Variants in FOCAD observed in about 807,000 individuals in gnomAD.
The protein encoded by FOCAD is KIAA1797.
Under a neutral mutation model 225.6 loss-of-function variants are expected in FOCAD, and 198 were observed. The ratio of observed to expected loss-of-function variants is 0.88; its 90% CI spans 0.78 to 0.99. FOCAD has a LOEUF of 0.99. Among genes scored for constraint, FOCAD ranks in the 50% least tolerant of loss-of-function variants. The pLI, the probability that FOCAD is intolerant of heterozygous loss-of-function variation, is 0.00. For missense variants in FOCAD, 2,713 were observed against 2,123.6 expected, an observed-to-expected ratio of 1.28 and a Z score of -5.46; for synonymous variants, 897 against 755.0, an observed-to-expected ratio of 1.19 and a Z score of -3.08.
chr9:20,907,213 A>G lies in FOCAD; in HGVS notation c.2689A>G (p.Met897Val), dbSNP rs1179371077. 6 of 1,613,214 alleles carry G rather than the reference A, an allele frequency of 3.7e-6. No homozygotes were observed. The East Asian group carries it at 8.9e-5, about 24-fold the overall frequency. The part of the protein sequence containing the change: ...IFLPQAWLAY[M>V]NRAYHAILQG... ...TCTTCCACAGGCCTGGCTTGCATAC[A>G]TGAATCGAGCTTATCATGCCATTTT... is the stretch of plus-strand genomic sequence containing the variant. Residue 897 changes from methionine to valine, a missense_variant, in exon 22 of 44, where the codon ATG becomes GTG. By Grantham distance (21) the Met-to-Val change is conservative. Coordinates refer to ENST00000338382, the MANE Select transcript of FOCAD (RefSeq NM_001375567.1).
chr9:20,916,616 T>C (rs1833886394), intron 23 of FOCAD, among the ~76,000 whole-genome samples: 1 of 152,220 alleles, frequency 6.6e-6, no homozygotes, highest in Admixed American at 6.5e-5. Flanking sequence ...CACCACGCTG[T>C]CTGAGATAAT....
At chr9:20,700,453 G>A (rs948960229) in intron 1 of FOCAD, among the ~76,000 whole-genome samples, 1 of 150,020 alleles carries the variant, frequency 6.7e-6, no homozygotes, top group African/African-American at 2.5e-5. Context: ...AAATTTTACT[G>A]GTGTAGATTC....
intron 24 of FOCAD, among the ~76,000 whole-genome samples, chr9:20,917,972 GA>G (rs1834012279): frequency 6.6e-6 from 1 of 152,176 alleles, no homozygotes; most frequent in South Asian, 2.1e-4. Flanking sequence ...AAGGCACTGG[GA>G]AATATCTGTT....
intron 5 of FOCAD, among the ~76,000 whole-genome samples, chr9:20,750,583 C>T (rs561124160): frequency 6.6e-6 from 1 of 152,228 alleles, no homozygotes; most frequent in South Asian, 2.1e-4. Flanking sequence ...GAAGGGTGAC[C>T]TGACTGCCTG....
At position 20,922,845 on chromosome 9, in the gene FOCAD, T is replaced by C. The variant is rs548911501; in HGVS notation, c.2853-815T>C. Among the ~76,000 whole-genome samples the C allele has an allele frequency of 1.7e-3, 261 of 152,340 alleles. 1 individual carries two copies. The highest frequency in any genetic ancestry group is 5.9e-3 in the African/African-American group (245 of 41,580). ...GCAAACCTAGAGCATCTGATTGGTG[T>C]CCCATAGGGGACTTTATAGGATCAG... On this transcript the variant is annotated intron_variant, in intron 24 of 43. Coordinates refer to ENST00000338382, the MANE Select transcript of FOCAD (RefSeq NM_001375567.1).
Position 20,891,273 on chromosome 9 carries a change from A to G in FOCAD, c.2625+6043A>G, listed in dbSNP as rs1265757776. 3.9e-5 allele frequency among the ~76,000 whole-genome samples: 6 copies of G among 152,206 alleles called. No individual in the cohort carries two copies. In the East Asian group the frequency reaches 9.6e-4, roughly 24 times the overall value. ...AACAATATTGAAATTAGGCCAATTAATAACTACAATGGCCTCTAATTGTTC... is the reference window on the plus strand; with the variant it reads ...AACAATATTGAAATTAGGCCAATTAGTAACTACAATGGCCTCTAATTGTTC... On this transcript the variant is annotated intron_variant, in intron 21 of 43. Transcript: ENST00000338382.
intron 40 of FOCAD, among the ~76,000 whole-genome samples, chr9:20,987,169 T>C (rs1841255856): frequency 6.6e-6 from 1 of 152,180 alleles, no homozygotes; most frequent in African/African-American, 2.4e-5. Context: ...TGCCTGGTTT[T>C]CCCCATCCAT....
chr9:20,861,766 T>C (rs1828792738), intron 15 of FOCAD, among the ~76,000 whole-genome samples: 1 of 152,214 alleles, frequency 6.6e-6, no homozygotes, highest in Non-Finnish European at 1.5e-5. Flanking sequence ...AGATTAATTC[T>C]TATTAAAGAC....
rs193232397 is a variant in FOCAD at position 20,730,536 on chromosome 9, C to T, written c.288-9700C>T. Among the ~76,000 whole-genome samples, 652 of 152,116 alleles carry T rather than the reference C, an allele frequency of 4.3e-3. 6 individuals are homozygous for T. Among genetic ancestry groups the T allele is most frequent in the Admixed American group, 0.028 (421 of 15,276 alleles). On this transcript the variant is annotated intron_variant, in intron 4 of 43. Transcript: ENST00000338382. ...GTCCTCTTCTCCTCTATTTTTAAGGCTGTTTTTGGATCCACTCTTTAGAAG... is the reference window on the plus strand; with the variant it reads ...GTCCTCTTCTCCTCTATTTTTAAGGTTGTTTTTGGATCCACTCTTTAGAAG...
intron 11 of FOCAD, among the ~76,000 whole-genome samples, chr9:20,804,840 T>C (rs1279225276): frequency 6.8e-6 from 1 of 147,374 alleles, no homozygotes; most frequent in African/African-American, 2.5e-5. Flanking sequence ...GCTGCTTGCA[T>C]GTAGGAAAAA....
chr9:20,906,015 C>T (rs1832939868), intron 21 of FOCAD, among the ~76,000 whole-genome samples: 2 of 151,482 alleles, frequency 1.3e-5, no homozygotes, highest in Non-Finnish European at 2.9e-5. Flanking sequence ...TTTTTATTCC[C>T]ATGGATTCTT....
chr9:20,968,735 G>T (rs1205176951), intron 35 of FOCAD, among the ~76,000 whole-genome samples: 1 of 151,698 alleles, frequency 6.6e-6, no homozygotes, highest in Non-Finnish European at 1.5e-5. Context: ...CACCTCGCCC[G>T]GCCTGTTTTC....
intron 8 of FOCAD, among the ~76,000 whole-genome samples, chr9:20,773,172 A>C (rs933024060): frequency 1.3e-5 from 2 of 152,164 alleles, no homozygotes; most frequent in Non-Finnish European, 2.9e-5. Flanking sequence ...CCTTTTTAGT[A>C]TAATTCTCTG....
chr9:20,941,981 A>G (rs1379041423), intron 28 of FOCAD, among the ~76,000 whole-genome samples: 1 of 152,244 alleles, frequency 6.6e-6, no homozygotes, highest in African/African-American at 2.4e-5. Flanking sequence ...ACATTAAAAT[A>G]TAGAAGATTT....
At chr9:20,668,804 C>T (rs1821970622) in intron 2 of FOCAD, among the ~76,000 whole-genome samples, 1 of 152,126 alleles carries the variant, frequency 6.6e-6, no homozygotes, top group African/African-American at 2.4e-5. Flanking sequence ...TAGCAAAGCT[C>T]AAAAGTAACA....
intron 11 of FOCAD, among the ~76,000 whole-genome samples, chr9:20,791,137 C>G (rs1031560127): frequency 2.0e-5 from 3 of 151,878 alleles, no homozygotes; most frequent in Non-Finnish European, 4.4e-5. Context: ...AAGAAGGATT[C>G]CCTTGAAGTT....
chr9:20,991,499 T>C (rs1294594827), intron 42 of FOCAD, among the ~76,000 whole-genome samples: 1 of 152,198 alleles, frequency 6.6e-6, no homozygotes, highest in Non-Finnish European at 1.5e-5. Flanking sequence ...CCCCAAATTT[T>C]GTGCTTTGTG....
At chr9:20,933,581 G>C (rs1002930685) in intron 28 of FOCAD, among the ~76,000 whole-genome samples, 2 of 152,158 alleles carry the variant, frequency 1.3e-5, no homozygotes, top group Non-Finnish European at 2.9e-5. Context: ...ATGTGTGTGT[G>C]TGTGTGTATC....
rs1035944442 is a variant in FOCAD, at chr9:20,870,938, T to G, written c.2191-3743T>G. Reference sequence around the variant, plus strand: ...AAATTATCAGCTGAGTGTGGTGGCTTACACCTGTAATCCCAGCACTTTGGG... The same window carrying G: ...AAATTATCAGCTGAGTGTGGTGGCTGACACCTGTAATCCCAGCACTTTGGG... On this transcript the variant is annotated intron_variant, in intron 18 of 43. Coordinates refer to ENST00000338382, the MANE Select transcript of FOCAD (RefSeq NM_001375567.1). Among the ~76,000 whole-genome samples, 3 of 152,054 alleles carry G rather than the reference T, an allele frequency of 2.0e-5. No homozygotes were observed. In the East Asian group the frequency reaches 5.8e-4, roughly 29 times the overall value.
Sources: gnomAD v4.1 joint callset for allele counts (sites outside exome capture counted in the v4.1 genomes callset) on GRCh38, gnomAD v4.1.1 for gene constraint, MANE v1.5 for transcripts, NCBI Gene and HGNC (gene_info 2026-07-23, HGNC 2026-07-21) for gene names.